Variants in UBE2E2 observed in about 807,000 individuals in gnomAD.
UBE2E2 encodes the protein ubiquitin-conjugating enzyme E2 E2.
A neutral mutation model predicts 24.7 loss-of-function variants in UBE2E2; 6 were observed. That is an observed-to-expected ratio of 0.24 (90% CI 0.13 to 0.48). UBE2E2 has a LOEUF of 0.48. UBE2E2 is among the 20% of genes least tolerant of loss of function. The pLI is 0.99. For synonymous variants in UBE2E2, 104 were observed against 83.6 expected (o/e 1.24, Z -1.33); for missense variants, 169 against 245.0 (o/e 0.69, Z 2.07).
chr3:23,488,372 C>A (rs537528522), intron 3 of UBE2E2, among the ~76,000 whole-genome samples: 5 of 152,158 alleles, frequency 3.3e-5, no homozygotes, highest in African/African-American at 1.2e-4. Context: ...CCTACCGCCC[C>A]GCCGACAGGC....
chr3:23,438,075 A>G (rs1698221237), intron 3 of UBE2E2, among the ~76,000 whole-genome samples: 1 of 152,228 alleles, frequency 6.6e-6, no homozygotes, highest in South Asian at 2.1e-4. Context: ...GCATCATTTC[A>G]TGCCAGTGTC....
intron 3 of UBE2E2, among the ~76,000 whole-genome samples, chr3:23,306,687 C>G (rs1204632506): frequency 6.6e-6 from 1 of 152,180 alleles, no homozygotes; most frequent in Non-Finnish European, 1.5e-5. Context: ...GGTTGGCTTT[C>G]TTATAGTACC....
intron 5 of UBE2E2, among the ~76,000 whole-genome samples, chr3:23,538,059 G>T (rs1410147712): frequency 1.3e-5 from 2 of 151,910 alleles, no homozygotes; most frequent in Non-Finnish European, 2.9e-5. Flanking sequence ...TGAAATTCAG[G>T]TAAAATGGTA....
intron 3 of UBE2E2, among the ~76,000 whole-genome samples, chr3:23,291,436 G>C (rs189187526): frequency 2.6e-5 from 4 of 152,152 alleles, no homozygotes; most frequent in African/African-American, 9.6e-5. Context: ...TAATAATAAG[G>C]CTTTTGTTCA....
intron 5 of UBE2E2, among the ~76,000 whole-genome samples, chr3:23,573,066 C>T (rs1034719068): frequency 1.3e-5 from 2 of 151,968 alleles, no homozygotes; most frequent in Non-Finnish European, 2.9e-5. Context: ...GAATGAGGTA[C>T]GATGAGGACT....
chr3:23,349,190 A>G (rs1284847075), intron 3 of UBE2E2, among the ~76,000 whole-genome samples: 1 of 152,152 alleles, frequency 6.6e-6, no homozygotes, highest in Admixed American at 6.5e-5. Context: ...GATGCTGAGA[A>G]GTGAAGCTCA....
intron 3 of UBE2E2, among the ~76,000 whole-genome samples, chr3:23,278,045 T>C (rs181932992): frequency 5.3e-4 from 80 of 152,266 alleles, no homozygotes; most frequent in Non-Finnish European, 9.3e-4. Flanking sequence ...CTTTTATGAT[T>C]TGGGATTAAA....
chr3:23,588,435 T>C (rs1199363253), intron 5 of UBE2E2, among the ~76,000 whole-genome samples: 1 of 150,578 alleles, frequency 6.6e-6, no homozygotes, highest in Non-Finnish European at 1.5e-5. Context: ...TCTTTTTTTT[T>C]AAAGAGGGTC....
chr3:23,225,175 A>G (rs1445751749), intron 3 of UBE2E2, among the ~76,000 whole-genome samples: 3 of 151,784 alleles, frequency 2.0e-5, no homozygotes, highest in Non-Finnish European at 2.9e-5. Flanking sequence ...TTTTTTCAAA[A>G]TACATTTTGG....
intron 3 of UBE2E2, among the ~76,000 whole-genome samples, chr3:23,381,893 G>A (rs1397457640): frequency 6.6e-6 from 1 of 152,166 alleles, no homozygotes; most frequent in Non-Finnish European, 1.5e-5. Context: ...GAGTGGAGAA[G>A]GATGTAGACT....
At chr3:23,370,248 A>G (rs1021914621) in intron 3 of UBE2E2, among the ~76,000 whole-genome samples, 15 of 152,094 alleles carry the variant, frequency 9.9e-5, no homozygotes, top group Non-Finnish European at 2.2e-4. Flanking sequence ...ACTACCATAG[A>G]TTTCCCTTTC....
chr3:23,203,179 G>T, upstream of UBE2E2: 1 of 985,982 alleles, frequency 1.0e-6, no homozygotes, highest in South Asian at 4.5e-5. Flanking sequence ...AGGACTCAGG[G>T]GCAGCCACAG....
At chr3:23,471,901 T>A (rs1699038380) in intron 3 of UBE2E2, among the ~76,000 whole-genome samples, 1 of 149,966 alleles carries the variant, frequency 6.7e-6, no homozygotes, top group African/African-American at 2.5e-5. Context: ...TGGGAAGAAC[T>A]AGGCTGGACT....
chr3:23,272,461 C>T (rs1049296769), intron 3 of UBE2E2, among the ~76,000 whole-genome samples: 2 of 152,206 alleles, frequency 1.3e-5, no homozygotes, highest in Non-Finnish European at 2.9e-5. Flanking sequence ...CACAGTGCAG[C>T]AGCGGACTGA....
intron 3 of UBE2E2, among the ~76,000 whole-genome samples, chr3:23,333,794 AT>A (rs1695132416): frequency 6.6e-6 from 1 of 152,158 alleles, no homozygotes; most frequent in Non-Finnish European, 1.5e-5. Flanking sequence ...TATATCTGAT[AT>A]ATGTCTGAAT....
At chr3:23,412,994 G>T (rs1046104310) in intron 3 of UBE2E2, among the ~76,000 whole-genome samples, 6 of 146,188 alleles carry the variant, frequency 4.1e-5, no homozygotes, top group Admixed American at 3.5e-4. Context: ...GGGGAACCAA[G>T]ATGCTTATTG....
At chr3:23,565,444 CTTTTTTTTTTTTTTT>C (rs574461544) in intron 5 of UBE2E2, among the ~76,000 whole-genome samples, 1 of 46,234 alleles carries the variant, frequency 2.2e-5, no homozygotes, top group Admixed American at 2.8e-4. Context: ...ATAGGCATGG[CTTTTTTTTTTTTTTT>C]TTTTTTTTTT....
chr3:23,299,706 A>G (rs1320805833), intron 3 of UBE2E2, among the ~76,000 whole-genome samples: 1 of 152,178 alleles, frequency 6.6e-6, no homozygotes, highest in Admixed American at 6.5e-5. Context: ...ACTTCCACCT[A>G]TGTGGTCAGT....
intron 5 of UBE2E2, among the ~76,000 whole-genome samples, chr3:23,545,718 T>C (rs1438360862): frequency 1.3e-5 from 2 of 152,164 alleles, no homozygotes; most frequent in Non-Finnish European, 2.9e-5. Flanking sequence ...CACATATATG[T>C]TTATCACAGC....
Sources: allele counts gnomAD v4.1 joint callset (sites outside exome capture counted in the v4.1 genomes callset), GRCh38; gene constraint gnomAD v4.1.1; transcripts MANE v1.5; gene names NCBI Gene and HGNC (gene_info 2026-07-23, HGNC 2026-07-21).